OPA1: variants seen among roughly 807,000 people sequenced by gnomAD.
OPA1 encodes the protein OPA1 mitochondrial dynamin like GTPase.
In OPA1, 59 loss-of-function variants were observed where a neutral mutation model predicts 152.9. The ratio of observed to expected loss-of-function variants is 0.39; its 90% CI spans 0.31 to 0.48. The LOEUF (loss-of-function observed/expected upper bound fraction) is 0.48, where lower values mean the gene tolerates loss of function less well. OPA1 is among the 20% of genes least tolerant of loss of function. OPA1 has a pLI of 0.96. For synonymous variants in OPA1, 400 were observed against 389.9 expected, an observed-to-expected ratio of 1.03 and a Z score of -0.31; for missense variants, 1,008 against 1,216.8, an observed-to-expected ratio of 0.83 and a Z score of 2.55.
At chr3:193,613,775 A>C (rs1382695872) in intron 1 of OPA1, among the ~76,000 whole-genome samples, 2 of 151,962 alleles carry the variant, frequency 1.3e-5, no homozygotes, top group African/African-American at 4.8e-5. Context: ...ATGGGGTTTC[A>C]CCATGTTGGC....
rs886058260 is a variant in OPA1, at chr3:193,697,202, TGAG to T, written c.*2605_*2607del. 3.3e-5 allele frequency: 5 copies of T among 152,232 alleles called. No homozygotes were observed. The highest frequency in any genetic ancestry group is 5.9e-5 in the Non-Finnish European group (4 of 68,030). 9.4% of individuals were successfully genotyped at this position (152,232 alleles called of 1,614,324 possible). A position where few individuals can be genotyped will look rare whatever the true frequency, so the allele number is the denominator to read the frequency against. The stretch of plus-strand genomic sequence containing the variant: ...TTTATTTATTCTAGATGTATGTATC[TGAG>T]GAAAGAAATCTGGTATTTTTGCTTT... On this transcript the variant is annotated 3_prime_UTR_variant, in exon 31 of 31. Transcript: ENST00000361510.
At chr3:193,603,326 G>A (rs11925699) in intron 1 of OPA1, among the ~76,000 whole-genome samples, 74,995 of 152,092 alleles carry the variant, frequency 0.49, 18,886 homozygotes, top group African/African-American at 0.56. Context: ...ATAGGTCATC[G>A]TAAGGAAATT....
intron 29 of OPA1, among the ~76,000 whole-genome samples, chr3:193,676,747 A>G (rs2971393): frequency 0.21 from 31,410 of 151,984 alleles, 3,868 homozygotes; most frequent in East Asian, 0.48. Flanking sequence ...TTAGGAGGCC[A>G]AGGTGGGCGG....
At chr3:193,607,582 C>T (rs1434121520) in intron 1 of OPA1, among the ~76,000 whole-genome samples, 35 of 152,042 alleles carry the variant, frequency 2.3e-4, no homozygotes, top group Admixed American at 1.2e-3. Flanking sequence ...TGTAGATATG[C>T]GGCGTTATTT....
At chr3:193,671,382 TAAC>T (rs111574551) in intron 29 of OPA1, among the ~76,000 whole-genome samples, 3,893 of 152,236 alleles carry the variant, frequency 0.026, 52 homozygotes, top group Non-Finnish European at 0.03. Context: ...GTCTGCAAAA[TAAC>T]TGGCCTGTAA....
chr3:193,651,858 T>C (rs957445355), intron 21 of OPA1, among the ~76,000 whole-genome samples: 1 of 152,160 alleles, frequency 6.6e-6, no homozygotes, highest in African/African-American at 2.4e-5. Flanking sequence ...TTACATTTTC[T>C]GTATTGGTTG....
intron 6 of OPA1, among the ~76,000 whole-genome samples, chr3:193,621,324 G>A (rs1024257760): frequency 2.0e-5 from 3 of 152,204 alleles, no homozygotes; most frequent in Non-Finnish European, 4.4e-5. Flanking sequence ...AAGTGACGGG[G>A]AGCTGAGGGG....
At chr3:193,640,923 T>C (rs1733689333) in intron 11 of OPA1, among the ~76,000 whole-genome samples, 1 of 152,192 alleles carries the variant, frequency 6.6e-6, no homozygotes, top group Non-Finnish European at 1.5e-5. Context: ...TTCATCTAGA[T>C]TGCACTTTTG....
intron 29 of OPA1, among the ~76,000 whole-genome samples, chr3:193,676,979 C>CGAAAAAAAAAAAAAA (rs1560064032): frequency 1.4e-5 from 1 of 70,834 alleles, no homozygotes. Flanking sequence ...AGACTCGTCT[C>CGAAAAAAAAAAAAAA]AAAAAAAAAA....
Position 193,645,540 on chromosome 3 carries a change from CTT to C in OPA1, c.1609-10_1609-9del. 6.2e-7 allele frequency: 1 copy of C among 1,604,932 alleles called. No homozygotes were observed. The highest frequency in any genetic ancestry group is 8.5e-7 in the Non-Finnish European group (1 of 1,172,738). On this transcript the variant is annotated splice_polypyrimidine_tract_variant and intron_variant, in intron 16 of 30. Coordinates refer to ENST00000361510, the MANE Select transcript of OPA1 (RefSeq NM_130837.3). The stretch of plus-strand genomic sequence containing the variant: ...CTATATCTCACATTAATTTTTCCCA[CTT>C]TTAAAAATAGATTCAGCAGATAATT...
intron 7 of OPA1, among the ~76,000 whole-genome samples, chr3:193,629,720 C>T (rs1477178614): frequency 1.3e-5 from 2 of 152,038 alleles, no homozygotes; most frequent in East Asian, 3.9e-4. Context: ...ATCATTTTAA[C>T]TTTTTATATA....
Position 193,638,073 on chromosome 3 carries a change from C to T in OPA1, c.1149+8C>T. ...ACACGTTCTCCAGTTAAGGTAAGAACATAGGCCGTCTCAGTGAGGTTCCTT... is the reference window on the plus strand; with the variant it reads ...ACACGTTCTCCAGTTAAGGTAAGAATATAGGCCGTCTCAGTGAGGTTCCTT... On this transcript the variant is annotated splice_region_variant and intron_variant, in intron 11 of 30. Transcript: ENST00000361510. 2 of 1,598,248 alleles carry T rather than the reference C, an allele frequency of 1.3e-6. No homozygotes were observed. Among genetic ancestry groups the T allele is most frequent in the East Asian group, 2.2e-5 (1 of 44,800 alleles).
intron 29 of OPA1, among the ~76,000 whole-genome samples, chr3:193,683,474 G>A (rs1720477653): frequency 6.6e-6 from 1 of 151,878 alleles, no homozygotes; most frequent in African/African-American, 2.4e-5. Flanking sequence ...GTAAATTTGG[G>A]TAAAATTTAC....
At chr3:193,670,933 TGAG>T (rs1214157154) in intron 29 of OPA1, among the ~76,000 whole-genome samples, 2 of 151,968 alleles carry the variant, frequency 1.3e-5, no homozygotes, top group Non-Finnish European at 2.9e-5. Context: ...TGAAAGATGA[TGAG>T]GAGATGTCAG....
chr3:193,679,909 G>T (rs1392416447), intron 29 of OPA1, among the ~76,000 whole-genome samples: 1 of 152,128 alleles, frequency 6.6e-6, no homozygotes, highest in Non-Finnish European at 1.5e-5. Context: ...AATTAGTTTA[G>T]AAGTTATTTT....
At chr3:193,626,050 C>T in intron 6 of OPA1, 42 bp from the exon 7 acceptor site, 3 of 1,442,646 alleles carry the variant, frequency 2.1e-6, no homozygotes, top group Non-Finnish European at 2.9e-6. Flanking sequence ...ACATTATTCT[C>T]CTCCCCAATT....
intron 7 of OPA1, among the ~76,000 whole-genome samples, chr3:193,631,205 A>G (rs1049681907): frequency 6.6e-6 from 1 of 152,198 alleles, no homozygotes; most frequent in African/African-American, 2.4e-5. Flanking sequence ...AGTAACATGT[A>G]TTTGACTTTT....
At chr3:193,668,661 G>A (rs1199657834) in intron 29 of OPA1, 4 of 1,479,704 alleles carry the variant, frequency 2.7e-6, no homozygotes, top group Admixed American at 4.1e-5. Context: ...TACTGGACCA[G>A]GCTACCAACA....
At chr3:193,681,209 C>T (rs558201225) in intron 29 of OPA1, among the ~76,000 whole-genome samples, 6 of 152,282 alleles carry the variant, frequency 3.9e-5, no homozygotes, top group South Asian at 4.1e-4. Flanking sequence ...AATATTGTCC[C>T]TCTATGGCCC....
Sources: gnomAD v4.1 joint callset for allele counts (sites outside exome capture counted in the v4.1 genomes callset) on GRCh38, gnomAD v4.1.1 for gene constraint, MANE v1.5 for transcripts, NCBI Gene and HGNC (gene_info 2026-07-23, HGNC 2026-07-21) for gene names.